CDH18: variants seen among roughly 807,000 people sequenced by gnomAD.
CDH18 encodes cadherin 18.
Under a neutral mutation model 67.9 loss-of-function variants are expected in CDH18, and 31 were observed. The observed-to-expected ratio is 0.46, with a 90% CI of 0.34 to 0.62. CDH18 has a LOEUF of 0.62. Ranked by LOEUF, CDH18 falls within the 20% of genes least tolerant of loss-of-function variation. CDH18 has a pLI of 0.01. For missense variants in CDH18, 890 were observed against 975.5 expected, an observed-to-expected ratio of 0.91 and a Z score of 1.17; for synonymous variants, 362 against 347.2, an observed-to-expected ratio of 1.04 and a Z score of -0.48.
chr5:20,183,604 C>T (rs1357354330), intron 2 of CDH18, among the ~76,000 whole-genome samples: 3 of 151,920 alleles, frequency 2.0e-5, no homozygotes, highest in Non-Finnish European at 4.4e-5. Context: ...CATCATCTAC[C>T]ATAAGTAGTT....
At chr5:19,876,438 G>A (rs977521223) in intron 2 of CDH18, among the ~76,000 whole-genome samples, 3 of 152,104 alleles carry the variant, frequency 2.0e-5, no homozygotes, top group Admixed American at 2.0e-4. Flanking sequence ...TAACGGGCCA[G>A]AGAGTTCCCG....
chr5:20,481,276 AG>A (rs1389675009), intron 1 of CDH18, among the ~76,000 whole-genome samples: 3 of 152,102 alleles, frequency 2.0e-5, no homozygotes, highest in Non-Finnish European at 4.4e-5. Context: ...ATTCAGCAAA[AG>A]GACATAGGAA....
intron 3 of CDH18, among the ~76,000 whole-genome samples, chr5:19,815,311 G>T (rs1779170347): frequency 6.6e-6 from 1 of 151,820 alleles, no homozygotes; most frequent in Non-Finnish European, 1.5e-5. Flanking sequence ...GTCACGTTTT[G>T]ATATAAAAGC....
At chr5:20,401,438 C>T (rs1368594179) in intron 1 of CDH18, among the ~76,000 whole-genome samples, 1 of 152,040 alleles carries the variant, frequency 6.6e-6, no homozygotes, top group Non-Finnish European at 1.5e-5. Context: ...TACCTTACAT[C>T]AAATCCTATG....
At chr5:20,187,869 A>G (rs1378573135) in intron 2 of CDH18, among the ~76,000 whole-genome samples, 3 of 151,858 alleles carry the variant, frequency 2.0e-5, no homozygotes, top group Non-Finnish European at 2.9e-5. Flanking sequence ...AAAGACTAAT[A>G]TGCTTTATAA....
chr5:20,205,246 T>C (rs1739791654), intron 2 of CDH18, among the ~76,000 whole-genome samples: 1 of 151,722 alleles, frequency 6.6e-6, no homozygotes, highest in Admixed American at 6.6e-5. Context: ...ACACATAACA[T>C]AAAATGACAA....
At chr5:20,031,618 A>G (rs1165675997) in intron 2 of CDH18, among the ~76,000 whole-genome samples, 2 of 152,112 alleles carry the variant, frequency 1.3e-5, no homozygotes, top group Admixed American at 1.3e-4. Context: ...CAAGATACTC[A>G]TGCATACACT....
chr5:19,648,124 A>T (rs1438879794), intron 5 of CDH18, among the ~76,000 whole-genome samples: 1 of 152,046 alleles, frequency 6.6e-6, no homozygotes, highest in African/African-American at 2.4e-5. Context: ...TCAGTTATAA[A>T]GAGAAGCAGG....
Position 19,543,885 on chromosome 5 carries a change from G to C in CDH18, c.1374C>G (p.Val458=). The change falls in exon 9 of 13, where the codon GTC becomes GTG. Residue 458 remains valine, a synonymous_variant. Transcript: ENST00000382275. ...GTAGTTTACCAATTTCTGAAGCAGTGACTGTGATGTTGTACCATGGAGTTT... is the reference window on the plus strand; with the variant it reads ...GTAGTTTACCAATTTCTGAAGCAGTCACTGTGATGTTGTACCATGGAGTTT... ...REETPWYNIT[V]TASEIDNPDL... is the part of the protein sequence containing the mutation. The C allele has an allele frequency of 6.3e-7, 1 of 1,578,124 alleles. No individual in the cohort carries two copies.
intron 1 of CDH18, among the ~76,000 whole-genome samples, chr5:20,291,923 A>C (rs1030768642): frequency 1.3e-5 from 2 of 151,994 alleles, no homozygotes; most frequent in African/African-American, 4.8e-5. Context: ...CTTAATGCTT[A>C]CTCTGATTCA....
intron 4 of CDH18, among the ~76,000 whole-genome samples, chr5:19,732,524 A>T (rs983495079): frequency 9.2e-5 from 14 of 152,158 alleles, no homozygotes; most frequent in Non-Finnish European, 2.9e-5. Context: ...ATAAATAAAT[A>T]AAATAAATTG....
rs565373019 is a variant in CDH18, at chr5:20,275,717, C to T, written c.-579-20212G>A. ...AATAGCTTTCCACACAAAAAATCAC[C>T]TTAATAAGAATCAAACTTCAGGTGA... On this transcript the variant is annotated intron_variant, in intron 1 of 14. Coordinates refer to the CDH18 transcript ENST00000507958. 3.5e-4 allele frequency among the ~76,000 whole-genome samples: 54 copies of T among 152,252 alleles called. 1 individual carries two copies. The highest frequency in any genetic ancestry group is 1.2e-3 in the African/African-American group (51 of 41,568).
intron 2 of CDH18, among the ~76,000 whole-genome samples, chr5:20,172,242 A>ATATATATGTGTATATATATATATATGTG (rs1561848887): frequency 1.8e-5 from 1 of 56,700 alleles, no homozygotes; most frequent in Non-Finnish European, 3.6e-5. Context: ...ATATATATGT[A>ATATATATGTGTATATATATATATATGTG]TATATATATA....
At chr5:20,035,919 G>C (rs910349332) in intron 2 of CDH18, among the ~76,000 whole-genome samples, 11 of 151,986 alleles carry the variant, frequency 7.2e-5, no homozygotes, top group Admixed American at 2.6e-4. Flanking sequence ...GACTGAATTT[G>C]ATAGCTGAAT....
At position 20,199,326 on chromosome 5, in the gene CDH18, G is replaced by A. The variant is rs543412342; in HGVS notation, c.-518+56118C>T. Among the ~76,000 whole-genome samples, 640 of 152,324 alleles carry A rather than the reference G, an allele frequency of 4.2e-3. 2 individuals are homozygous for A. The highest frequency in any genetic ancestry group is 6.7e-3 in the Non-Finnish European group (459 of 68,028). Reference sequence around the variant, plus strand: ...CCACCTCTTGCATCAACGTGACCTGGAAGTAGGACATGGAGTCAAAGGATA... The same window carrying A: ...CCACCTCTTGCATCAACGTGACCTGAAAGTAGGACATGGAGTCAAAGGATA... On this transcript the variant is annotated intron_variant, in intron 2 of 14. Coordinates refer to the CDH18 transcript ENST00000507958.
intron 3 of CDH18, among the ~76,000 whole-genome samples, chr5:19,755,624 C>T (rs1169863175): frequency 6.8e-6 from 1 of 146,320 alleles, no homozygotes. Flanking sequence ...ACATATATCT[C>T]CTATATAAAT....
chr5:19,527,513 G>T lies in CDH18; in HGVS notation c.1391-6735C>A, dbSNP rs183432921. On this transcript the variant is annotated intron_variant, in intron 9 of 12. Coordinates refer to ENST00000382275, the MANE Select transcript of CDH18 (RefSeq NM_004934.5). ...TAATTTGCTATAATTTATATGAAAG[G>T]TGTATATCATATATAATAAATTACT... 4.3e-3 allele frequency among the ~76,000 whole-genome samples: 652 copies of T among 151,296 alleles called. 9 individuals carry two copies. The highest frequency in any genetic ancestry group is 0.015 in the African/African-American group (610 of 41,376).
intron 2 of CDH18, among the ~76,000 whole-genome samples, chr5:19,932,694 C>G (rs576868376): frequency 2.4e-4 from 36 of 151,626 alleles, no homozygotes; most frequent in Non-Finnish European, 4.4e-4. Context: ...GTCCAATGAT[C>G]CTACTACCTT....
intron 2 of CDH18, among the ~76,000 whole-genome samples, chr5:20,090,151 GACA>G (rs1175563859): frequency 6.6e-6 from 1 of 152,144 alleles, no homozygotes; most frequent in East Asian, 1.9e-4. Context: ...CAAGAAAGTG[GACA>G]ACATTAGGAT....
Sources: allele counts gnomAD v4.1 joint callset (sites outside exome capture counted in the v4.1 genomes callset), GRCh38; gene constraint gnomAD v4.1.1; transcripts MANE v1.5; gene names NCBI Gene and HGNC (gene_info 2026-07-23, HGNC 2026-07-21).